MEI4: variants seen among roughly 807,000 people sequenced by gnomAD.
MEI4 encodes the protein meiotic double-stranded break formation protein 4, also known as meiosis-specific protein MEI4.
A neutral mutation model predicts 31.4 loss-of-function variants in MEI4; 27 were observed. The ratio of observed to expected loss-of-function variants is 0.86; its 90% CI spans 0.63 to 1.19. The LOEUF (loss-of-function observed/expected upper bound fraction) is 1.19, where lower values mean the gene tolerates loss of function less well. Among genes scored for constraint, MEI4 ranks in the 50% most tolerant of loss-of-function variants. The probability of loss-of-function intolerance (pLI) is 0.00; values close to 1 mark genes in which losing one functional copy is unlikely to be tolerated. For missense variants in MEI4, 329 were observed against 398.9 expected, an observed-to-expected ratio of 0.82 and a Z score of 1.49; for synonymous variants, 122 against 145.4, an observed-to-expected ratio of 0.84 and a Z score of 1.16.
chr6:77,710,104 C>T (rs1766424769), intron 2 of MEI4, among the ~76,000 whole-genome samples: 1 of 152,204 alleles, frequency 6.6e-6, no homozygotes, highest in Non-Finnish European at 1.5e-5. Context: ...TGCCCATGCA[C>T]AGTTGTCTGT....
At chr6:77,916,210 C>T (rs950418772) in intron 4 of MEI4, among the ~76,000 whole-genome samples, 4 of 151,826 alleles carry the variant, frequency 2.6e-5, no homozygotes, top group African/African-American at 9.7e-5. Flanking sequence ...TCTCACTGAG[C>T]TTTTTTTAAA....
chr6:77,747,258 G>A (rs1235901343), intron 2 of MEI4, among the ~76,000 whole-genome samples: 1 of 152,138 alleles, frequency 6.6e-6, no homozygotes, highest in Non-Finnish European at 1.5e-5. Flanking sequence ...ATTGTAGTGA[G>A]CCGAGATTGT....
chr6:77,920,998 GCTTCAA>G (rs1384771725), intron 4 of MEI4, among the ~76,000 whole-genome samples: 2 of 151,770 alleles, frequency 1.3e-5, no homozygotes, highest in East Asian at 3.9e-4. Flanking sequence ...ATGTGCACTG[GCTTCAA>G]CTTCAAGACA....
chr6:77,760,221 C>CAT (rs1485764990), intron 2 of MEI4, among the ~76,000 whole-genome samples: 1 of 150,796 alleles, frequency 6.6e-6, no homozygotes, highest in Non-Finnish European at 1.5e-5. Flanking sequence ...CATGTATATA[C>CAT]ATATATATAC....
chr6:77,869,467 C>T (rs117416989), intron 4 of MEI4, among the ~76,000 whole-genome samples: 1,861 of 152,096 alleles, frequency 0.012, 11 homozygotes, highest in Non-Finnish European at 0.021. Flanking sequence ...AATTTGTACA[C>T]AGAAAGAAAC....
At chr6:77,658,418 G>C (rs1321798622) in intron 1 of MEI4, among the ~76,000 whole-genome samples, 1 of 152,168 alleles carries the variant, frequency 6.6e-6, no homozygotes, top group African/African-American at 2.4e-5. Flanking sequence ...ATACGTGCAA[G>C]TCACAGGGGA....
chr6:77,916,401 T>A (rs1027752416), intron 4 of MEI4, among the ~76,000 whole-genome samples: 4 of 152,116 alleles, frequency 2.6e-5, no homozygotes, highest in African/African-American at 9.7e-5. Context: ...AATTTGTTTT[T>A]TTAGTAGATG....
At chr6:77,886,448 T>C (rs1388777567) in intron 4 of MEI4, among the ~76,000 whole-genome samples, 3 of 152,066 alleles carry the variant, frequency 2.0e-5, no homozygotes, top group Non-Finnish European at 4.4e-5. Flanking sequence ...TTTTTTTTTA[T>C]GAGATGGAGT....
chr6:77,808,160 A>G (rs1769486818), intron 3 of MEI4, among the ~76,000 whole-genome samples: 1 of 152,234 alleles, frequency 6.6e-6, no homozygotes, highest in Non-Finnish European at 1.5e-5. Flanking sequence ...AGTTACAAAT[A>G]TGATGGAATA....
At chr6:77,852,243 A>T (rs1350832884) in intron 4 of MEI4, among the ~76,000 whole-genome samples, 1 of 150,998 alleles carries the variant, frequency 6.6e-6, no homozygotes, top group African/African-American at 2.5e-5. Flanking sequence ...CAACAGCAGT[A>T]AAAAACTTTG....
intron 1 of MEI4, among the ~76,000 whole-genome samples, chr6:77,670,117 G>C (rs1009640250): frequency 2.6e-5 from 4 of 152,104 alleles, no homozygotes; most frequent in African/African-American, 9.7e-5. Flanking sequence ...CCCATCACTA[G>C]ATAATTTATT....
At chr6:77,811,433 T>C (rs1769571550) in intron 3 of MEI4, among the ~76,000 whole-genome samples, 1 of 152,172 alleles carries the variant, frequency 6.6e-6, no homozygotes, top group Admixed American at 6.5e-5. Context: ...AGTTCATATA[T>C]AGAGGATGAG....
intron 2 of MEI4, among the ~76,000 whole-genome samples, chr6:77,730,436 A>C (rs1276270803): frequency 6.6e-6 from 1 of 152,046 alleles, no homozygotes; most frequent in African/African-American, 2.4e-5. Flanking sequence ...AATTAGGACT[A>C]TGTTTTCACT....
At chr6:77,910,120 TG>T (rs1766398412) in intron 4 of MEI4, among the ~76,000 whole-genome samples, 1 of 152,150 alleles carries the variant, frequency 6.6e-6, no homozygotes, top group South Asian at 2.1e-4. Context: ...GGGCAAAAAC[TG>T]GAAGCATTCC....
intron 2 of MEI4, among the ~76,000 whole-genome samples, chr6:77,742,780 C>T (rs559824730): frequency 2.6e-5 from 4 of 152,004 alleles, no homozygotes; most frequent in Admixed American, 2.0e-4. Context: ...TTTAAACCAT[C>T]TTGAATTAAT....
chr6:77,739,803 G>C (rs966467749), intron 2 of MEI4, among the ~76,000 whole-genome samples: 4 of 151,206 alleles, frequency 2.6e-5, no homozygotes, highest in Non-Finnish European at 5.9e-5. Flanking sequence ...ATGTCTTTTA[G>C]TTCAGCTTTG....
At chr6:77,763,588 A>G (rs1190830809) in intron 3 of MEI4, among the ~76,000 whole-genome samples, 1 of 152,174 alleles carries the variant, frequency 6.6e-6, no homozygotes. Context: ...TAGGAAATAT[A>G]TATTTCATCT....
In MEI4 at chr6:77,893,029, A is replaced by G. The variant is rs80266816; in HGVS notation, c.901-30060A>G. On this transcript the variant is annotated intron_variant, in intron 4 of 4. Coordinates refer to ENST00000684080, the MANE Select transcript of MEI4 (RefSeq NM_001322247.2). ...GTCTGTGGAAAAAGATATTTTTCCC[A>G]CAATGGAGAGTGCCTCCTGGCTCCA... Among the ~76,000 whole-genome samples, 628 of 152,278 alleles carry G rather than the reference A, an allele frequency of 4.1e-3. 4 individuals carry two copies. In the East Asian group the frequency reaches 0.044, roughly 11 times the overall value.
At chr6:77,854,447 A>C (rs1378116263) in intron 4 of MEI4, among the ~76,000 whole-genome samples, 1 of 148,662 alleles carries the variant, frequency 6.7e-6, no homozygotes, top group Non-Finnish European at 1.5e-5. Flanking sequence ...TTTTTTTGCT[A>C]ATCCAGATTA....
Sources: gnomAD v4.1 joint callset for allele counts (sites outside exome capture counted in the v4.1 genomes callset) on GRCh38, gnomAD v4.1.1 for gene constraint, MANE v1.5 for transcripts, NCBI Gene and HGNC (gene_info 2026-07-23, HGNC 2026-07-21) for gene names.